Variants in GPC5 observed in about 807,000 individuals in gnomAD.
GPC5 encodes glypican 5.
Under a neutral mutation model 53.9 loss-of-function variants are expected in GPC5, and 47 were observed. The ratio of observed to expected loss-of-function variants is 0.87; its 90% CI spans 0.69 to 1.11. The LOEUF (loss-of-function observed/expected upper bound fraction) is 1.11. Among genes scored for constraint, GPC5 ranks in the 50% most tolerant of loss-of-function variants. The pLI is 0.00. For synonymous variants in GPC5, 286 were observed against 263.3 expected (o/e 1.09, Z -0.84); for missense variants, 748 against 713.1 (o/e 1.05, Z -0.56).
At chr13:92,544,176 G>A (rs1290974722) in intron 7 of GPC5, among the ~76,000 whole-genome samples, 5 of 152,052 alleles carry the variant, frequency 3.3e-5, no homozygotes, top group Non-Finnish European at 2.9e-5. Context: ...GGGTTCACTT[G>A]TAGACTTGCT....
intron 6 of GPC5, among the ~76,000 whole-genome samples, chr13:92,027,130 C>T (rs2040807370): frequency 6.6e-6 from 1 of 152,118 alleles, no homozygotes; most frequent in African/African-American, 2.4e-5. Context: ...ATAATTGAGT[C>T]ATATCTGGTG....
chr13:92,623,427 A>G (rs1175403211), intron 7 of GPC5, among the ~76,000 whole-genome samples: 10 of 152,218 alleles, frequency 6.6e-5, no homozygotes, highest in Non-Finnish European at 1.0e-4. Context: ...CTCGCCCTAC[A>G]GTATCACCAC....
chr13:91,436,221 T>C (rs1443807077), intron 1 of GPC5, among the ~76,000 whole-genome samples: 4 of 152,204 alleles, frequency 2.6e-5, no homozygotes, highest in Non-Finnish European at 5.9e-5. Flanking sequence ...TTTCTTGCCT[T>C]GTGCTAGCTT....
intron 2 of GPC5, among the ~76,000 whole-genome samples, chr13:91,539,041 A>G (rs1293603087): frequency 5.3e-5 from 8 of 152,180 alleles, no homozygotes; most frequent in Non-Finnish European, 1.0e-4. Flanking sequence ...GTATAATGCT[A>G]GTCTCTTGCA....
intron 1 of GPC5, among the ~76,000 whole-genome samples, chr13:91,418,201 A>G (rs1878370086): frequency 6.6e-6 from 1 of 152,182 alleles, no homozygotes; most frequent in African/African-American, 2.4e-5. Context: ...TTAGGCAGCC[A>G]CTAGGAGTCT....
intron 7 of GPC5, among the ~76,000 whole-genome samples, chr13:92,667,396 C>G (rs1337139767): frequency 1.3e-5 from 2 of 151,580 alleles, no homozygotes; most frequent in African/African-American, 2.4e-5. Flanking sequence ...ATCTGATCAC[C>G]AAAAAAGAGA....
intron 7 of GPC5, among the ~76,000 whole-genome samples, chr13:92,685,087 CTATT>C (rs57486972): frequency 2.0e-5 from 3 of 150,630 alleles, no homozygotes; most frequent in African/African-American, 4.9e-5. Flanking sequence ...TCCAGTAGTT[CTATT>C]TATTTATTTA....
intron 2 of GPC5, among the ~76,000 whole-genome samples, chr13:91,587,013 G>A (rs183667324): frequency 4.6e-5 from 7 of 152,200 alleles, no homozygotes; most frequent in African/African-American, 1.7e-4. Flanking sequence ...TGAAATTATA[G>A]AGAAGTGAAA....
chr13:92,214,297 G>A (rs1236562468), intron 7 of GPC5, among the ~76,000 whole-genome samples: 1 of 152,152 alleles, frequency 6.6e-6, no homozygotes, highest in African/African-American at 2.4e-5. Context: ...AGTCAAAAAA[G>A]TGCAAGGAAC....
At chr13:92,346,056 C>A (rs1423190469) in intron 7 of GPC5, among the ~76,000 whole-genome samples, 1 of 152,166 alleles carries the variant, frequency 6.6e-6, no homozygotes, top group Non-Finnish European at 1.5e-5. Flanking sequence ...GACCTAATGA[C>A]CCTGCCCAGG....
chr13:91,457,460 G>C (rs1225518794), intron 2 of GPC5, among the ~76,000 whole-genome samples: 1 of 151,914 alleles, frequency 6.6e-6, no homozygotes, highest in Admixed American at 6.6e-5. Flanking sequence ...CATTTGTCAT[G>C]GTTATTATGT....
intron 2 of GPC5, among the ~76,000 whole-genome samples, chr13:91,511,819 C>A (rs1344270827): frequency 6.6e-6 from 1 of 151,872 alleles, no homozygotes; most frequent in Admixed American, 6.6e-5. Flanking sequence ...ATAATGTATA[C>A]ATCTTGGGCG....
chr13:92,744,513 A>C (rs1403592854), intron 7 of GPC5, among the ~76,000 whole-genome samples: 1 of 151,942 alleles, frequency 6.6e-6, no homozygotes, highest in Non-Finnish European at 1.5e-5. Flanking sequence ...GAAAAAAAAA[A>C]AAACCAGAAC....
chr13:92,214,791 T>C (rs2042398333), intron 7 of GPC5, among the ~76,000 whole-genome samples: 1 of 152,220 alleles, frequency 6.6e-6, no homozygotes, highest in Non-Finnish European at 1.5e-5. Context: ...TTAGTCTGCA[T>C]TGTGCAGGTG....
chr13:91,571,906 GTATATATACACATAT>G lies in GPC5; in HGVS notation c.326-121279_326-121265del, dbSNP rs1566516110. Among the ~76,000 whole-genome samples, 36 of 80,440 alleles carry G rather than the reference GTATATATACACATAT, an allele frequency of 4.5e-4. 4 individuals carry two copies. The highest frequency in any genetic ancestry group is 1.6e-3 in the South Asian group (3 of 1,924). The allele number at this position is 80,440 out of a possible 152,430, so 52.8% of individuals were successfully genotyped here. ...ATATACGTGTGTATATACACATATT[GTATATATACACATAT>G]TGTATATATACACACATGTATATAC... is the stretch of plus-strand genomic sequence containing the variant. On this transcript the variant is annotated intron_variant, in intron 2 of 7. Coordinates refer to ENST00000377067, the MANE Select transcript of GPC5 (RefSeq NM_004466.6).
chr13:92,835,389 C>T (rs1159463621), intron 7 of GPC5, among the ~76,000 whole-genome samples: 1 of 151,938 alleles, frequency 6.6e-6, no homozygotes, highest in Non-Finnish European at 1.5e-5. Context: ...TAATAATACA[C>T]AAGCATCAAC....
intron 6 of GPC5, among the ~76,000 whole-genome samples, chr13:92,066,586 G>A (rs1300210757): frequency 6.6e-6 from 1 of 152,056 alleles, no homozygotes; most frequent in East Asian, 1.9e-4. Flanking sequence ...TCTGTGTAGT[G>A]CTGCTTCTTT....
In GPC5 at chr13:92,029,962, A is replaced by C. The variant is rs184923625; in HGVS notation, c.1402-114868A>C. 7.5e-3 allele frequency among the ~76,000 whole-genome samples: 1,149 copies of C among 152,316 alleles called. 12 individuals carry two copies. Among genetic ancestry groups the C allele is most frequent in the Non-Finnish European group, 9.1e-3 (617 of 68,034 alleles). ...ACCGAAGGAAACTGAAAGAAAAAGT[A>C]CTAGGAGAATTGTTTGGAATCATAA... On this transcript the variant is annotated intron_variant, in intron 6 of 7. Coordinates refer to ENST00000377067, the MANE Select transcript of GPC5 (RefSeq NM_004466.6).
At chr13:91,565,747 A>G (rs904027522) in intron 2 of GPC5, among the ~76,000 whole-genome samples, 28 of 152,234 alleles carry the variant, frequency 1.8e-4, no homozygotes, top group African/African-American at 6.3e-4. Context: ...TAGAACTGCC[A>G]TAACAAATAT....
Sources: gnomAD v4.1 joint callset for allele counts (sites outside exome capture counted in the v4.1 genomes callset) on GRCh38, gnomAD v4.1.1 for gene constraint, MANE v1.5 for transcripts, NCBI Gene and HGNC (gene_info 2026-07-23, HGNC 2026-07-21) for gene names.